STXBP4: variants seen among roughly 807,000 people sequenced by gnomAD.
STXBP4 encodes the protein syntaxin binding protein 4.
STXBP4 carries 55 observed loss-of-function variants against 76.1 expected under a neutral mutation model. The observed-to-expected ratio is 0.72, with a 90% CI of 0.58 to 0.91. The LOEUF (loss-of-function observed/expected upper bound fraction) is 0.91, where lower values mean the gene tolerates loss of function less well. Among genes scored for constraint, STXBP4 ranks in the 40% least tolerant of loss-of-function variants. The pLI, the probability that STXBP4 is intolerant of heterozygous loss-of-function variation, is 0.00. For synonymous variants in STXBP4, 201 were observed against 220.2 expected, an observed-to-expected ratio of 0.91 and a Z score of 0.77; for missense variants, 618 against 636.9, an observed-to-expected ratio of 0.97 and a Z score of 0.32.
intron 16 of STXBP4, among the ~76,000 whole-genome samples, chr17:55,084,214 C>T (rs911400270): frequency 1.3e-5 from 2 of 152,154 alleles, no homozygotes; most frequent in Non-Finnish European, 2.9e-5. Context: ...TTTTGCTTTG[C>T]ATTTCTCTGA....
At chr17:55,175,250 C>A (rs1033534399), downstream of STXBP4, among the ~76,000 whole-genome samples, 2 of 152,098 alleles carry the variant, frequency 1.3e-5, no homozygotes, top group Non-Finnish European at 2.9e-5. Flanking sequence ...TGTATAGATA[C>A]CAAATCTGCT....
intron 16 of STXBP4, among the ~76,000 whole-genome samples, chr17:55,137,250 A>T (rs1284963454): frequency 6.6e-6 from 1 of 151,632 alleles, no homozygotes; most frequent in Non-Finnish European, 1.5e-5. Context: ...TGAGTTAGAG[A>T]TATCTCCCCC....
intron 1 of STXBP4, among the ~76,000 whole-genome samples, chr17:54,980,167 T>A (rs897858791): frequency 6.6e-6 from 1 of 152,168 alleles, no homozygotes; most frequent in African/African-American, 2.4e-5. Flanking sequence ...CATTTTTAAA[T>A]GAAGACATAT....
At chr17:55,208,605 GGAAA>G in the STXBP4 span, among the ~76,000 whole-genome samples, 3,298 of 149,488 alleles carry the variant, frequency 0.022, 165 homozygotes, top group African/African-American at 0.077. Context: ...AAGGAAGGAA[GGAAA>G]GAGAGAGGGA....
intron 16 of STXBP4, among the ~76,000 whole-genome samples, chr17:55,128,747 C>A (rs2079940069): frequency 6.6e-6 from 1 of 151,968 alleles, no homozygotes; most frequent in Non-Finnish European, 1.5e-5. Flanking sequence ...TCCCAAGTAG[C>A]TGGGATTACA....
intron 16 of STXBP4, among the ~76,000 whole-genome samples, chr17:55,087,462 G>A (rs893211967): frequency 8.6e-5 from 13 of 152,020 alleles, no homozygotes; most frequent in African/African-American, 3.1e-4. Context: ...TCATTCATCT[G>A]CATATGGATA....
intron 8 of STXBP4, among the ~76,000 whole-genome samples, chr17:55,021,708 G>A (rs2078314225): frequency 6.6e-6 from 1 of 151,870 alleles, no homozygotes; most frequent in African/African-American, 2.4e-5. Flanking sequence ...AAACTTTACT[G>A]GCAGGATTCC....
At chr17:55,038,981 C>T (rs1426799141) in intron 10 of STXBP4, among the ~76,000 whole-genome samples, 1 of 152,158 alleles carries the variant, frequency 6.6e-6, no homozygotes, top group Non-Finnish European at 1.5e-5. Context: ...TCATATTTCT[C>T]ACCACGTATA....
At chr17:55,122,469 A>G (rs2145094337) in intron 16 of STXBP4, among the ~76,000 whole-genome samples, 1 of 152,342 alleles carries the variant, frequency 6.6e-6, no homozygotes, top group South Asian at 2.1e-4. Flanking sequence ...GAAGAGATAA[A>G]TGAAGGAATG....
rs244298 is a variant in STXBP4 at position 55,164,026 on chromosome 17, C to T, written c.*4115C>T. The T allele has an allele frequency of 0.61, 92,671 of 152,454 alleles. 28,564 individuals carry two copies. The highest frequency in any genetic ancestry group is 0.68 in the African/African-American group (28,388 of 41,454). 9.4% of individuals were successfully genotyped at this position (152,454 alleles called of 1,614,324 possible). On this transcript the variant is annotated 3_prime_UTR_variant, in exon 18 of 18. Transcript: ENST00000376352. ...AATGCAACTTTTTGAAGAATCAACA[C>T]GCTTGACATTTTTACAATGTACATA...
At chr17:54,983,892 C>G (rs2144351038) in intron 1 of STXBP4, among the ~76,000 whole-genome samples, 1 of 152,284 alleles carries the variant, frequency 6.6e-6, no homozygotes, top group South Asian at 2.1e-4. Context: ...TGAGAGACTA[C>G]TAGTCAAAGC....
At chr17:55,003,609 T>C (rs1283827100) in intron 7 of STXBP4, among the ~76,000 whole-genome samples, 2 of 152,134 alleles carry the variant, frequency 1.3e-5, no homozygotes, top group Non-Finnish European at 2.9e-5. Flanking sequence ...ATACAAAAAA[T>C]ATAAACAAAT....
chr17:54,985,465 G>A (rs1048141243), intron 1 of STXBP4, 149 bp from the exon 2 acceptor site: 1 of 152,142 alleles, frequency 6.6e-6, no homozygotes, highest in African/African-American at 2.4e-5. Context: ...TCAACTTTAA[G>A]TTCCTTTGCT....
chr17:55,029,656 A>G (rs1157629468), intron 8 of STXBP4, among the ~76,000 whole-genome samples: 1 of 151,714 alleles, frequency 6.6e-6, no homozygotes, highest in Non-Finnish European at 1.5e-5. Context: ...TTTTGAAAGA[A>G]TCTTTCCTGA....
rs998808579 is a variant in STXBP4, at chr17:55,170,416, A to G, written c.*10505A>G. 1.3e-5 allele frequency: 2 copies of G among 152,214 alleles called. No homozygotes were observed. Among genetic ancestry groups the G allele is most frequent in the Non-Finnish European group, 2.9e-5 (2 of 68,024 alleles). The allele number at this position is 152,214 out of a possible 1,614,324, so 9.4% of individuals were successfully genotyped here. On this transcript the variant is annotated 3_prime_UTR_variant, in exon 18 of 18. Coordinates refer to ENST00000376352, the MANE Select transcript of STXBP4 (RefSeq NM_178509.6). ...ATATAAAACCAACAGTATTGTATAT[A>G]TAAACACCATAGAAGATCTGAAAAA...
chr17:55,151,217 A>G (rs1371958265), intron 17 of STXBP4, among the ~76,000 whole-genome samples: 4 of 152,160 alleles, frequency 2.6e-5, no homozygotes, highest in Admixed American at 6.6e-5. Flanking sequence ...GCAGTAGCAA[A>G]TGATTACAGG....
rs1454084251 is a variant in STXBP4, at chr17:55,162,919, C to G, written c.*3008C>G. 6.6e-6 allele frequency: 1 copy of G among 152,214 alleles called. No individual in the cohort carries two copies. The allele number at this position is 152,214 out of a possible 1,614,324, so 9.4% of individuals were successfully genotyped here. ...TGTGTGGCCAGCAATTTATTGAACA[C>G]TAAAATGTTTTAAGTTTTCTTATTG... On this transcript the variant is annotated 3_prime_UTR_variant, in exon 18 of 18. Coordinates refer to ENST00000376352, the MANE Select transcript of STXBP4 (RefSeq NM_178509.6).
chr17:55,201,292 A>AAAT, the STXBP4 span, among the ~76,000 whole-genome samples: 1 of 152,216 alleles, frequency 6.6e-6, no homozygotes, highest in Non-Finnish European at 1.5e-5. Context: ...GTTTTTATTT[A>AAAT]AATAATAAAT....
the STXBP4 span, among the ~76,000 whole-genome samples, chr17:55,178,880 G>T: frequency 4.6e-5 from 7 of 152,282 alleles, no homozygotes; most frequent in African/African-American, 1.7e-4. Flanking sequence ...ATACTGGGGA[G>T]GAAAATCTGT....
Sources: allele counts gnomAD v4.1 joint callset (sites outside exome capture counted in the v4.1 genomes callset), GRCh38; gene constraint gnomAD v4.1.1; transcripts MANE v1.5; gene names NCBI Gene and HGNC (gene_info 2026-07-23, HGNC 2026-07-21).